Variants in NPAS3 observed in about 807,000 individuals in gnomAD.
NPAS3 encodes neuronal PAS domain-containing protein 3.
A neutral mutation model predicts 73.1 loss-of-function variants in NPAS3; 14 were observed. That is an observed-to-expected ratio of 0.19 (90% CI 0.13 to 0.30). The LOEUF (loss-of-function observed/expected upper bound fraction) is 0.30, where lower values mean the gene tolerates loss of function less well. Among genes scored for constraint, NPAS3 ranks in the 10% least tolerant of loss-of-function variants. NPAS3 has a pLI of 1.00. For synonymous variants in NPAS3, 620 were observed against 541.5 expected, an observed-to-expected ratio of 1.14 and a Z score of -2.01; for missense variants, 1,096 against 1,250.0, an observed-to-expected ratio of 0.88 and a Z score of 1.86.
chr14:33,509,632 G>A (rs182976988), intron 4 of NPAS3, among the ~76,000 whole-genome samples: 55 of 152,096 alleles, frequency 3.6e-4, no homozygotes, highest in African/African-American at 1.3e-3. Context: ...AGGAGGAGGT[G>A]GGACTTCCTT....
Position 33,456,472 on chromosome 14 carries a change from A to AG in NPAS3, c.468+89204_468+89205insG, listed in dbSNP as rs548255196. On this transcript the variant is annotated intron_variant, in intron 4 of 11. Coordinates refer to ENST00000356141, the Ensembl canonical transcript of NPAS3. Reference sequence around the variant, plus strand: ...GCAGAAAAAGACTATTAGGAAAATTATGAGCATTTAGTGTTTTCATTTACC... The same window carrying AG: ...GCAGAAAAAGACTATTAGGAAAATTAGTGAGCATTTAGTGTTTTCATTTACC... Among the ~76,000 whole-genome samples, 759 of 152,324 alleles carry AG rather than the reference A, an allele frequency of 5.0e-3. 7 individuals are homozygous for AG. Among genetic ancestry groups the AG allele is most frequent in the African/African-American group, 0.018 (730 of 41,570 alleles).
intron 2 of NPAS3, among the ~76,000 whole-genome samples, chr14:33,064,981 A>G (rs2041229500): frequency 6.6e-6 from 1 of 152,180 alleles, no homozygotes; most frequent in South Asian, 2.1e-4. Context: ...CAGTTTCCAT[A>G]GAGAAACTGT....
intron 2 of NPAS3, among the ~76,000 whole-genome samples, chr14:33,178,528 CA>C (rs1476852001): frequency 6.6e-6 from 1 of 152,092 alleles, no homozygotes; most frequent in Non-Finnish European, 1.5e-5. Flanking sequence ...TTATAGTTTT[CA>C]ATGTACAAGT....
At chr14:33,498,040 C>A (rs1056134710) in intron 4 of NPAS3, among the ~76,000 whole-genome samples, 1 of 152,118 alleles carries the variant, frequency 6.6e-6, no homozygotes, top group Non-Finnish European at 1.5e-5. Context: ...AGGATATGAA[C>A]AGACACTTCT....
intron 4 of NPAS3, among the ~76,000 whole-genome samples, chr14:33,407,527 C>T (rs1332432695): frequency 6.6e-6 from 1 of 152,062 alleles, no homozygotes; most frequent in Non-Finnish European, 1.5e-5. Flanking sequence ...TACCATTTTT[C>T]AATCAGAAAC....
At chr14:33,308,302 A>C (rs1462521296) in intron 3 of NPAS3, among the ~76,000 whole-genome samples, 5 of 151,950 alleles carry the variant, frequency 3.3e-5, no homozygotes, top group African/African-American at 1.2e-4. Context: ...CACCCCCAAC[A>C]ACAAAACCAA....
intron 2 of NPAS3, among the ~76,000 whole-genome samples, chr14:33,200,749 A>G (rs1022871433): frequency 6.6e-6 from 1 of 152,206 alleles, no homozygotes; most frequent in African/African-American, 2.4e-5. Context: ...ATTCCAATCT[A>G]GTAACAAATG....
At chr14:33,611,824 T>G (rs2057758484) in intron 5 of NPAS3, among the ~76,000 whole-genome samples, 1 of 152,218 alleles carries the variant, frequency 6.6e-6, no homozygotes, top group East Asian at 1.9e-4. Flanking sequence ...ATCTTACTTT[T>G]TTGTGAAAAT....
intron 3 of NPAS3, among the ~76,000 whole-genome samples, chr14:33,322,818 A>G (rs780316303): frequency 6.6e-6 from 1 of 152,160 alleles, no homozygotes; most frequent in Non-Finnish European, 1.5e-5. Flanking sequence ...GTTTTGGTGT[A>G]GGACATCCTT....
intron 1 of NPAS3, among the ~76,000 whole-genome samples, chr14:33,040,191 A>C (rs2040306826): frequency 6.6e-6 from 1 of 152,094 alleles, no homozygotes; most frequent in Non-Finnish European, 1.5e-5. Context: ...GAATCGGGGG[A>C]AACAGAAGTA....
Position 33,115,930 on chromosome 14 carries a change from T to G in NPAS3, c.140+59936T>G, listed in dbSNP as rs551736630. Among the ~76,000 whole-genome samples the G allele has an allele frequency of 2.0e-5, 3 of 152,238 alleles. No homozygotes were observed. In the East Asian group the frequency reaches 5.8e-4, roughly 29 times the overall value. The stretch of plus-strand genomic sequence containing the variant: ...TTTATAGACTTTAAAATGTCTTTTC[T>G]AGAAAACAGAACTCCATATTTTGGG... On this transcript the variant is annotated intron_variant, in intron 2 of 11. Coordinates refer to ENST00000356141, the Ensembl canonical transcript of NPAS3.
intron 2 of NPAS3, among the ~76,000 whole-genome samples, chr14:33,182,502 G>T (rs2045831943): frequency 6.6e-6 from 1 of 152,184 alleles, no homozygotes; most frequent in African/African-American, 2.4e-5. Flanking sequence ...AACAAGTGCA[G>T]CAGTAAAATG....
chr14:33,680,037 G>T (rs1306208720), intron 6 of NPAS3, among the ~76,000 whole-genome samples: 1 of 152,214 alleles, frequency 6.6e-6, no homozygotes, highest in Non-Finnish European at 1.5e-5. Context: ...GGAAGAGACT[G>T]CCCTTTGCTG....
intron 5 of NPAS3, chr14:33,612,458 T>C (rs773088447): frequency 6.6e-5 from 30 of 455,974 alleles, no homozygotes; most frequent in Non-Finnish European, 1.3e-4. Context: ...GCAGATGTTC[T>C]GTGGCAAAGT....
chr14:33,219,130 C>T (rs2047330654), intron 3 of NPAS3, among the ~76,000 whole-genome samples: 1 of 152,164 alleles, frequency 6.6e-6, no homozygotes, highest in African/African-American at 2.4e-5. Flanking sequence ...AGCTAAATAA[C>T]TGATGATTGT....
Position 33,162,148 on chromosome 14 carries a change from G to A in NPAS3, c.141-53034G>A, listed in dbSNP as rs191285774. On this transcript the variant is annotated intron_variant, in intron 2 of 11. Coordinates refer to ENST00000356141, the Ensembl canonical transcript of NPAS3. ...CATTTCCTTATGTACCTGCTTATACGGTCATCTGTGTTGATGTAGTGCAGC... is the reference window on the plus strand; with the variant it reads ...CATTTCCTTATGTACCTGCTTATACAGTCATCTGTGTTGATGTAGTGCAGC... Among the ~76,000 whole-genome samples the A allele has an allele frequency of 1.0e-3, 157 of 152,228 alleles. 1 individual carries two copies. Among genetic ancestry groups the A allele is most frequent in the Non-Finnish European group, 1.8e-3 (121 of 68,028 alleles).
Position 33,724,434 on chromosome 14 carries a change from G to C in NPAS3, c.734-10780G>C, listed in dbSNP as rs1340576244. Among the ~76,000 whole-genome samples the C allele has an allele frequency of 3.3e-5, 5 of 152,222 alleles. No homozygotes were observed. The East Asian group carries it at 9.7e-4, about 29-fold the overall frequency. Reference sequence around the variant, plus strand: ...GGATCCCTTGAGCCCAGGAGTTCAAGACCAGCTTGGGCAACATGGTGAAAC... The same window carrying C: ...GGATCCCTTGAGCCCAGGAGTTCAACACCAGCTTGGGCAACATGGTGAAAC... On this transcript the variant is annotated intron_variant, in intron 6 of 11. Transcript: ENST00000356141.
intron 6 of NPAS3, among the ~76,000 whole-genome samples, chr14:33,711,789 C>T (rs1227181120): frequency 6.6e-6 from 1 of 152,146 alleles, no homozygotes; most frequent in Non-Finnish European, 1.5e-5. Context: ...GGGTCACTCG[C>T]ACAAGGCCTG....
Position 33,095,665 on chromosome 14 carries a change from TTTTTA to T in NPAS3, c.140+39676_140+39680del, listed in dbSNP as rs1566556258. The stretch of plus-strand genomic sequence containing the variant: ...GGCGTGGGCATTCTCTGCTTTTATT[TTTTTA>T]TTTTTTTTTTTTTTTTGAGAGGGAG... On this transcript the variant is annotated intron_variant, in intron 2 of 11. Transcript: ENST00000356141. 2.3e-4 allele frequency among the ~76,000 whole-genome samples: 31 copies of T among 134,764 alleles called. 1 individual carries two copies. Among genetic ancestry groups the T allele is most frequent in the Middle Eastern group, 3.9e-3 (1 of 256 alleles). The allele number at this position is 134,764 out of a possible 152,430, so 88.4% of individuals were successfully genotyped here. A position where few individuals can be genotyped will look rare whatever the true frequency, so the allele number is the denominator to read the frequency against.
Sources: allele counts gnomAD v4.1 joint callset (sites outside exome capture counted in the v4.1 genomes callset), GRCh38; gene constraint gnomAD v4.1.1; transcripts MANE v1.5; gene names NCBI Gene and HGNC (gene_info 2026-07-23, HGNC 2026-07-21).